The following THRB variants were observed in gnomAD, a reference collection of about 807,000 sequenced individuals.
THRB encodes nuclear receptor subfamily 1 group A member 2.
THRB carries 12 observed loss-of-function variants against 47.8 expected under a neutral mutation model. The observed-to-expected ratio is 0.25, with a 90% CI of 0.16 to 0.41. THRB has a LOEUF of 0.41. THRB is among the 10% of genes least tolerant of loss of function. The probability of loss-of-function intolerance (pLI) is 1.00; values close to 1 mark genes in which losing one functional copy is unlikely to be tolerated. For missense variants in THRB, 348 were observed against 589.2 expected (o/e 0.59, Z 4.24); for synonymous variants, 218 against 212.2 (o/e 1.03, Z -0.24).
intron 3 of THRB, among the ~76,000 whole-genome samples, chr3:24,242,944 G>A (rs1397485430): frequency 6.6e-6 from 1 of 152,014 alleles, no homozygotes; most frequent in Non-Finnish European, 1.5e-5. Context: ...TTGCCAATGA[G>A]CAAGAGGGGT....
intron 1 of THRB, among the ~76,000 whole-genome samples, chr3:24,384,769 A>G (rs2065965293): frequency 6.6e-6 from 1 of 152,156 alleles, no homozygotes; most frequent in South Asian, 2.1e-4. Context: ...GAATTTATTG[A>G]TATGGAAACA....
intron 2 of THRB, among the ~76,000 whole-genome samples, chr3:24,310,808 A>T (rs1286408539): frequency 6.6e-6 from 1 of 152,180 alleles, no homozygotes; most frequent in Non-Finnish European, 1.5e-5. Context: ...TGCACAGGAC[A>T]TTCCCCACCA....
At chr3:24,149,808 A>G (rs1007176050) in intron 6 of THRB, among the ~76,000 whole-genome samples, 5 of 152,214 alleles carry the variant, frequency 3.3e-5, no homozygotes, top group African/African-American at 1.2e-4. Flanking sequence ...AAGACATTTA[A>G]AACAGTCTAC....
At chr3:24,387,675 A>G (rs918162934) in intron 1 of THRB, among the ~76,000 whole-genome samples, 2 of 152,158 alleles carry the variant, frequency 1.3e-5, no homozygotes. Context: ...TGAGTGCATC[A>G]TTACATTCCA....
In THRB at chr3:24,231,305, ATCT is replaced by A. The variant is rs534727946; in HGVS notation, c.-42-2307_-42-2305del. Among the ~76,000 whole-genome samples the A allele has an allele frequency of 1.9e-3, 283 of 152,284 alleles. 2 individuals are homozygous for A. The highest frequency in any genetic ancestry group is 6.4e-3 in the African/African-American group (268 of 41,562). ...CCTTATGATATTATCAGTTAAAAAT[ATCT>A]TCATTTTCAAAATTCCAATTGAATA... On this transcript the variant is annotated intron_variant, in intron 3 of 10. Coordinates refer to ENST00000646209, the MANE Select transcript of THRB (RefSeq NM_001354712.2).
intron 3 of THRB, among the ~76,000 whole-genome samples, chr3:24,276,775 G>C (rs2053958957): frequency 6.6e-6 from 1 of 152,272 alleles, no homozygotes; most frequent in South Asian, 2.1e-4. Context: ...GGTGGACCCA[G>C]TGTCTGCTGG....
intron 3 of THRB, among the ~76,000 whole-genome samples, chr3:24,257,774 A>T (rs1207137647): frequency 6.6e-6 from 1 of 152,236 alleles, no homozygotes; most frequent in East Asian, 1.9e-4. Context: ...CACACAAACA[A>T]AACAAGTGAA....
rs141652116 is a variant in THRB, at chr3:24,232,917, G to T, written c.-42-3916C>A. 9.9e-5 allele frequency among the ~76,000 whole-genome samples: 15 copies of T among 152,280 alleles called. No individual in the cohort carries two copies. In the East Asian group the frequency reaches 2.7e-3, roughly 27 times the overall value. ...AGATTGGAGGCTCTCTGCCCTCAAG[G>T]AATTTACAATCCATTTTATAAGCTG... On this transcript the variant is annotated intron_variant, in intron 3 of 10. Coordinates refer to ENST00000646209, the MANE Select transcript of THRB (RefSeq NM_001354712.2).
intron 3 of THRB, among the ~76,000 whole-genome samples, chr3:24,242,259 C>T (rs1182292925): frequency 2.6e-5 from 4 of 152,172 alleles, no homozygotes; most frequent in Non-Finnish European, 4.4e-5. Context: ...ATGTCTGTTT[C>T]CTGCTGGGAG....
In THRB at chr3:24,122,765, C is replaced by A; in HGVS notation, c.*119G>T. On this transcript the variant is annotated 3_prime_UTR_variant, in exon 11 of 11. Transcript: ENST00000646209. ...TCCATGTCTATGCCAAGGACTACTT[C>A]CCTTTTCCCTCCCAAATAATCCCTC... The A allele has an allele frequency of 4.9e-6, 7 of 1,441,246 alleles. No homozygotes were observed. In the South Asian group the frequency reaches 8.2e-5, roughly 17 times the overall value. The allele number at this position is 1,441,246 out of a possible 1,614,324, so 89.3% of individuals were successfully genotyped here.
intron 8 of THRB, among the ~76,000 whole-genome samples, chr3:24,135,606 T>G (rs2034522418): frequency 6.6e-6 from 1 of 151,996 alleles, no homozygotes; most frequent in Non-Finnish European, 1.5e-5. Flanking sequence ...TACTTCCCTC[T>G]TTCTCACCTA....
chr3:24,252,201 T>C (rs566120285), intron 3 of THRB, among the ~76,000 whole-genome samples: 64 of 152,048 alleles, frequency 4.2e-4, no homozygotes, highest in Admixed American at 8.5e-4. Flanking sequence ...GAACAAAAAG[T>C]AACAGGGAGA....
chr3:24,272,350 C>A (rs1396803973), intron 3 of THRB, among the ~76,000 whole-genome samples: 1 of 149,006 alleles, frequency 6.7e-6, no homozygotes, highest in Admixed American at 6.8e-5. Context: ...TCTCTCAAAA[C>A]AACAACAACA....
At chr3:24,241,226 A>C (rs1480283566) in intron 3 of THRB, among the ~76,000 whole-genome samples, 1 of 151,436 alleles carries the variant, frequency 6.6e-6, no homozygotes, top group Non-Finnish European at 1.5e-5. Flanking sequence ...CAGGATGCAG[A>C]AAAAGCATTC....
chr3:24,201,258 G>C (rs191542801), intron 4 of THRB, among the ~76,000 whole-genome samples: 1 of 152,128 alleles, frequency 6.6e-6, no homozygotes, highest in African/African-American at 2.4e-5. Context: ...GGGCTGGAGA[G>C]GGGGTCTGGC....
At chr3:24,260,237 C>T (rs950712180) in intron 3 of THRB, among the ~76,000 whole-genome samples, 2 of 152,078 alleles carry the variant, frequency 1.3e-5, no homozygotes, top group South Asian at 4.1e-4. Context: ...TCTGGGCACT[C>T]GGTGAGTCAC....
intron 1 of THRB, among the ~76,000 whole-genome samples, chr3:24,427,428 T>A (rs760121048): frequency 2.0e-5 from 3 of 152,024 alleles, no homozygotes; most frequent in Non-Finnish European, 2.9e-5. Flanking sequence ...GGTAAACCTC[T>A]CCCTTCCAGC....
chr3:24,377,280 T>G (rs1490172017), intron 1 of THRB, among the ~76,000 whole-genome samples: 1 of 152,088 alleles, frequency 6.6e-6, no homozygotes, highest in Non-Finnish European at 1.5e-5. Context: ...TCCATTTGGT[T>G]CAGCCAGGGC....
intron 9 of THRB, among the ~76,000 whole-genome samples, chr3:24,132,889 T>C (rs997622511): frequency 6.6e-6 from 1 of 152,222 alleles, no homozygotes; most frequent in African/African-American, 2.4e-5. Flanking sequence ...ATGTCACATT[T>C]GGATAACTTA....
Sources: gnomAD v4.1 joint callset for allele counts (sites outside exome capture counted in the v4.1 genomes callset) on GRCh38, gnomAD v4.1.1 for gene constraint, MANE v1.5 for transcripts, NCBI Gene and HGNC (gene_info 2026-07-23, HGNC 2026-07-21) for gene names.